Variants in IRX2 observed in about 807,000 individuals in gnomAD.
IRX2 encodes the protein iroquois homeobox 2, also known as iroquois-class homeodomain protein IRX-2.
A neutral mutation model predicts 42.9 loss-of-function variants in IRX2; 26 were observed. The observed-to-expected ratio is 0.61, with a 90% CI of 0.44 to 0.84. The LOEUF is 0.84. Ranked by LOEUF, IRX2 falls within the 40% of genes least tolerant of loss-of-function variation. The pLI, the probability that IRX2 is intolerant of heterozygous loss-of-function variation, is 0.00. For missense variants in IRX2, 782 were observed against 713.9 expected, an observed-to-expected ratio of 1.10 and a Z score of -1.09; for synonymous variants, 424 against 353.9, an observed-to-expected ratio of 1.20 and a Z score of -2.22.
the IRX2 span, among the ~76,000 whole-genome samples, chr5:2,738,222 T>A: frequency 4.0e-4 from 61 of 152,356 alleles, no homozygotes; most frequent in African/African-American, 1.3e-3. Context: ...TTAAACAAAC[T>A]GTCTCTCTCC....
At chr5:2,743,550 G>A (rs1737591240), downstream of IRX2, among the ~76,000 whole-genome samples, 1 of 152,300 alleles carries the variant, frequency 6.6e-6, no homozygotes, top group Non-Finnish European at 1.5e-5. Flanking sequence ...CCGGGAGCGC[G>A]CCCAGGCCTG....
Position 2,749,688 on chromosome 5 carries a change from A to T in IRX2, c.349T>A (p.Tyr117Asn). The part of the protein sequence containing the change: ...AYPYQLNDPA[Y>N]RKNATRDATA... Reference sequence around the variant, plus strand: ...GCGTCCCGCGTGGCGTTCTTGCGGTACGCGGGGTCGTTGAGCTGGTACGGG... The same window carrying T: ...GCGTCCCGCGTGGCGTTCTTGCGGTTCGCGGGGTCGTTGAGCTGGTACGGG... The change falls in exon 2 of 4, where the codon TAC becomes AAC. Residue 117 changes from tyrosine (Y) to asparagine (N), a missense_variant. By Grantham distance (143) the Tyr-to-Asn change is moderately radical. This residue lies in a region of IRX2 where 256 missense variants were observed against 250.0 expected (regional missense o/e 1.02). Coordinates refer to ENST00000302057, the MANE Select transcript of IRX2 (RefSeq NM_033267.5). 6.2e-7 allele frequency: 1 copy of T among 1,614,080 alleles called. No homozygotes were observed. The highest frequency in any genetic ancestry group is 8.5e-7 in the Non-Finnish European group (1 of 1,180,006).
Position 2,747,397 on chromosome 5 carries a change from G to C in IRX2, c.*167C>G, listed in dbSNP as rs1737711165. On this transcript the variant is annotated 3_prime_UTR_variant, in exon 4 of 4. Coordinates refer to ENST00000302057, the MANE Select transcript of IRX2 (RefSeq NM_033267.5). ...GGGAATCTATAAAACAGAAAATATAGTTTCCCCCTTAAGGAAAGAAAAGCT... is the reference window on the plus strand; with the variant it reads ...GGGAATCTATAAAACAGAAAATATACTTTCCCCCTTAAGGAAAGAAAAGCT... 3.6e-6 allele frequency: 2 copies of C among 561,196 alleles called. No individual in the cohort carries two copies. Among genetic ancestry groups the C allele is most frequent in the Non-Finnish European group, 6.4e-6 (2 of 312,428 alleles). The allele number at this position is 561,196 out of a possible 1,614,324, so 34.8% of individuals were successfully genotyped here.
chr5:2,747,869 T>C (rs1237539913), intron 3 of IRX2, among the ~76,000 whole-genome samples: 1 of 152,336 alleles, frequency 6.6e-6, no homozygotes, highest in East Asian at 1.9e-4. Flanking sequence ...CGGTTTTCTT[T>C]CCGAACAACG....
rs370484590 is a variant in IRX2, at chr5:2,748,850, C to T, written c.858G>A (p.Ser286=). 10 of 1,579,402 alleles carry T rather than the reference C, an allele frequency of 6.3e-6. No homozygotes were observed. Among genetic ancestry groups the T allele is most frequent in the Non-Finnish European group, 8.5e-6 (10 of 1,172,562 alleles). The change falls in exon 3 of 4, where the codon TCG becomes TCA. Residue 286 remains serine (S), a synonymous_variant. Coordinates refer to ENST00000302057, the MANE Select transcript of IRX2 (RefSeq NM_033267.5). The part of the protein sequence containing the change: ...GLAPPKPVTS[S]PLTGLEAPLL... Reference sequence around the variant, plus strand: ...GCGGCGCCTCCAAGCCGGTAAGCGGCGACGAGGTCACGGGCTTGGGCGGCG... The same window carrying T: ...GCGGCGCCTCCAAGCCGGTAAGCGGTGACGAGGTCACGGGCTTGGGCGGCG...
rs999703094 is a variant in IRX2 at position 2,747,267 on chromosome 5, T to C, written c.*297A>G. On this transcript the variant is annotated 3_prime_UTR_variant, in exon 4 of 4. Transcript: ENST00000302057. ...ACATGTACTATATATATACATGTAC[T>C]ATATATATACATATATATATTACAC... 4 of 190,556 alleles carry C rather than the reference T, an allele frequency of 2.1e-5. No homozygotes were observed. The highest frequency in any genetic ancestry group is 4.3e-5 in the Non-Finnish European group (4 of 92,376). 11.8% of individuals were successfully genotyped at this position (190,556 alleles called of 1,614,324 possible).
chr5:2,751,167 T>G lies in IRX2; in HGVS notation c.247A>C (p.Met83Leu). 7.9e-7 allele frequency: 1 copy of G among 1,262,266 alleles called. No individual in the cohort carries two copies. The allele number at this position is 1,262,266 out of a possible 1,614,324, so 78.2% of individuals were successfully genotyped here. The change falls in exon 1 of 4, where the codon ATG becomes CTG. Residue 83 changes from methionine to leucine, a missense_variant and splice_region_variant. By Grantham distance (15) the Met-to-Leu change is conservative. Around this residue, in one of 3 missense-constraint regions of IRX2, gnomAD observed 256 missense variants for 250.0 expected, o/e 1.02. Coordinates refer to ENST00000302057, the MANE Select transcript of IRX2 (RefSeq NM_033267.5). This position sits in a 1 kb window ranked among gnomAD's most constrained non-coding sequence, Gnocchi z 4.0. ...GCGTCCCGCCCGCGCCCGGTTACCA[T>G]GTAGGACGGGAAGCCGGCGGCGGCG... ...AAAAAGFPSYMGAPYDAHTTG... is the reference protein window; with the variant it reads ...AAAAAGFPSYLGAPYDAHTTG...
At position 2,747,551 on chromosome 5, in the gene IRX2, G is replaced by C; in HGVS notation, c.*13C>G. 1 of 1,613,516 alleles carries C rather than the reference G, an allele frequency of 6.2e-7. No individual in the cohort carries two copies. Among genetic ancestry groups the C allele is most frequent in the Non-Finnish European group, 8.5e-7 (1 of 1,179,432 alleles). On this transcript the variant is annotated 3_prime_UTR_variant, in exon 4 of 4. Coordinates refer to ENST00000302057, the MANE Select transcript of IRX2 (RefSeq NM_033267.5). ...AGGGTGCCCACTTACTTGCATTGCTGTGCTCGGCCCTTCTATAGGTAGGGC... is the reference window on the plus strand; with the variant it reads ...AGGGTGCCCACTTACTTGCATTGCTCTGCTCGGCCCTTCTATAGGTAGGGC...
chr5:2,750,414 G>A (rs1169191976), intron 1 of IRX2, among the ~76,000 whole-genome samples: 1 of 152,180 alleles, frequency 6.6e-6, no homozygotes, highest in Non-Finnish European at 1.5e-5. Context: ...CGGCAGTCGC[G>A]ACAACCCCGT....
In IRX2 at chr5:2,751,383, C is replaced by T. The variant is rs1170974726; in HGVS notation, c.31G>A (p.Ala11Thr). 1.4e-6 allele frequency: 2 copies of T among 1,420,056 alleles called. No homozygotes were observed. Among genetic ancestry groups the T allele is most frequent in the Admixed American group, 2.7e-5 (1 of 37,230 alleles). The allele number at this position is 1,420,056 out of a possible 1,614,324, so 88.0% of individuals were successfully genotyped here. A position where few individuals can be genotyped will look rare whatever the true frequency, so the allele number is the denominator to read the frequency against. ...GAGTAGAGCGCCAGCGAGCCGGGCG[C>T]CTGGTACAGGTAGCCCTGCGGGTAG... MSYPQGYLYQAPGSLALYSCP... is the reference protein window; with the variant it reads MSYPQGYLYQTPGSLALYSCP... The change falls in exon 1 of 4, where the codon GCG (alanine) becomes ACG (threonine). Residue 11 changes from alanine (A) to threonine (T), a missense_variant. Coordinates refer to ENST00000302057, the MANE Select transcript of IRX2 (RefSeq NM_033267.5). The surrounding 1 kb of genome is among the most constrained non-coding windows in gnomAD (Gnocchi z 4.0).
Position 2,751,469 on chromosome 5 carries a change from C to T in IRX2, c.-56G>A, listed in dbSNP as rs901657398. 6.3e-5 allele frequency: 68 copies of T among 1,085,660 alleles called. No homozygotes were observed. Among genetic ancestry groups the T allele is most frequent in the Non-Finnish European group, 7.3e-5 (65 of 895,716 alleles). The allele number at this position is 1,085,660 out of a possible 1,614,324, so 67.3% of individuals were successfully genotyped here. On this transcript the variant is annotated 5_prime_UTR_variant, in exon 1 of 4. Coordinates refer to ENST00000302057, the MANE Select transcript of IRX2 (RefSeq NM_033267.5). The surrounding 1 kb of genome is among the most constrained non-coding windows in gnomAD (Gnocchi z 4.0). Reference sequence around the variant, plus strand: ...GCCGAGCAGCGGGCAGGGCGCGCGGCGCCCTCCATCCACGCCCGGCCGGGG... The same window carrying T: ...GCCGAGCAGCGGGCAGGGCGCGCGGTGCCCTCCATCCACGCCCGGCCGGGG...
At chr5:2,749,269 G>A in intron 2 of IRX2, 113 bp downstream of exon 2, 1 of 1,467,580 alleles carries the variant, frequency 6.8e-7, no homozygotes, top group Non-Finnish European at 9.0e-7. Flanking sequence ...GTGCGGCTGG[G>A]GCTCCGGCCC....
At chr5:2,749,916 C>A in intron 1 of IRX2, 129 bp from the exon 2 acceptor site, 3 of 961,746 alleles carry the variant, frequency 3.1e-6, no homozygotes, top group Non-Finnish European at 4.5e-6. Flanking sequence ...GCTGCGCTTC[C>A]CGCCGCAAAA....
At chr5:2,740,185 G>T in the IRX2 span, among the ~76,000 whole-genome samples, 9 of 151,746 alleles carry the variant, frequency 5.9e-5, no homozygotes, top group South Asian at 2.1e-4. Flanking sequence ...TGGCGTGCGG[G>T]GGCGGGGGTC....
chr5:2,742,860 ATG>A, downstream of IRX2, among the ~76,000 whole-genome samples: 4 of 152,194 alleles, frequency 2.6e-5, no homozygotes, highest in Admixed American at 2.6e-4. Context: ...GTAGTTTAGT[ATG>A]TACATTCACT....
chr5:2,745,061 C>T (rs1737627227), downstream of IRX2, among the ~76,000 whole-genome samples: 1 of 152,192 alleles, frequency 6.6e-6, no homozygotes, highest in South Asian at 2.1e-4. Flanking sequence ...ATTTCCCATC[C>T]TCAGACACAT....
downstream of IRX2, chr5:2,745,978 T>C (rs1284678460): frequency 6.7e-6 from 1 of 149,688 alleles, no homozygotes; most frequent in Non-Finnish European, 1.5e-5. Flanking sequence ...CTACAGCACA[T>C]GTTTCTCCCG....
At chr5:2,744,178 G>A (rs983109619), downstream of IRX2, among the ~76,000 whole-genome samples, 2 of 151,786 alleles carry the variant, frequency 1.3e-5, no homozygotes, top group African/African-American at 4.8e-5. Flanking sequence ...CCAAAGGGAG[G>A]CGGCTTTTAC....
downstream of IRX2, among the ~76,000 whole-genome samples, chr5:2,744,538 G>T (rs373268289): frequency 6.6e-6 from 1 of 152,310 alleles, no homozygotes; most frequent in South Asian, 2.1e-4. Flanking sequence ...AAAAGTCTAT[G>T]AAGGTTTTAT....
Sources: gnomAD v4.1 joint callset for allele counts (sites outside exome capture counted in the v4.1 genomes callset) on GRCh38, gnomAD v4.1.1 for gene constraint, gnomAD v4.1.1 regional missense constraint, Gnocchi (gnomAD v3.1) non-coding constraint, MANE v1.5 for transcripts, NCBI Gene and HGNC (gene_info 2026-07-23, HGNC 2026-07-21) for gene names.